The following PTPRE variants were observed in gnomAD, a reference collection of about 807,000 sequenced individuals.
PTPRE encodes receptor-type tyrosine-protein phosphatase epsilon.
Under a neutral mutation model 102.0 loss-of-function variants are expected in PTPRE, and 51 were observed. That is an observed-to-expected ratio of 0.50 (90% CI 0.40 to 0.63). The LOEUF (loss-of-function observed/expected upper bound fraction) is 0.63, where lower values mean the gene tolerates loss of function less well. Among genes scored for constraint, PTPRE ranks in the 30% least tolerant of loss-of-function variants. The probability of loss-of-function intolerance (pLI) is 0.00; values close to 1 mark genes in which losing one functional copy is unlikely to be tolerated. For missense variants in PTPRE, 752 were observed against 915.1 expected (o/e 0.82, Z 2.30); for synonymous variants, 345 against 348.2 (o/e 0.99, Z 0.10).
chr10:127,956,205 G>A (rs913816811), intron 1 of PTPRE, among the ~76,000 whole-genome samples: 1 of 152,066 alleles, frequency 6.6e-6, no homozygotes, highest in Non-Finnish European at 1.5e-5. Flanking sequence ...GTTAATTTTA[G>A]GAGTCGACTA....
intron 1 of PTPRE, among the ~76,000 whole-genome samples, chr10:127,981,834 AT>A (rs1311324489): frequency 1.1e-4 from 17 of 150,012 alleles, no homozygotes; most frequent in African/African-American, 3.7e-4. Context: ...AAAAAAAAAA[AT>A]TAATTAATTA....
chr10:128,050,877 C>T (rs75969782), intron 6 of PTPRE, among the ~76,000 whole-genome samples: 11,711 of 152,240 alleles, frequency 0.077, 542 homozygotes, highest in Non-Finnish European at 0.099. Flanking sequence ...TGAGACTTTA[C>T]CCAGAAGCAA....
intron 10 of PTPRE, among the ~76,000 whole-genome samples, chr10:128,065,346 T>C (rs982130351): frequency 6.6e-6 from 1 of 152,236 alleles, no homozygotes; most frequent in Non-Finnish European, 1.5e-5. Context: ...AGTAGATCTT[T>C]TCCCCCTTGA....
Position 127,907,821 on chromosome 10 carries a change from C to G in PTPRE, c.-31+512C>G, listed in dbSNP as rs1037687341. On this transcript the variant is annotated intron_variant, in intron 1 of 20. Coordinates refer to ENST00000254667, the MANE Select transcript of PTPRE (RefSeq NM_006504.6). The surrounding 1 kb of genome is among the most constrained non-coding windows in gnomAD (Gnocchi z 4.8). ...GCTGCCCCGCAGCCGGGCGGGCGCC[C>G]GCGCCTTCCCAGGGAGGCAGGTGGA... Among the ~76,000 whole-genome samples, 12 of 152,218 alleles carry G rather than the reference C, an allele frequency of 7.9e-5. No homozygotes were observed. The highest frequency in any genetic ancestry group is 1.4e-4 in the African/African-American group (6 of 41,464).
intron 1 of PTPRE, among the ~76,000 whole-genome samples, chr10:127,977,579 C>T (rs1217763044): frequency 2.0e-5 from 3 of 152,156 alleles, no homozygotes; most frequent in Non-Finnish European, 4.4e-5. Flanking sequence ...GAAAGATTGG[C>T]CAGTTCTGTT....
intron 1 of PTPRE, among the ~76,000 whole-genome samples, chr10:127,923,218 T>TAATCC (rs928121928): frequency 7.2e-5 from 11 of 152,262 alleles, no homozygotes; most frequent in African/African-American, 2.6e-4. Flanking sequence ...TTCAAAGAGA[T>TAATCC]AATCCAATCA....
At chr10:127,953,905 A>G (rs1004622602) in intron 1 of PTPRE, among the ~76,000 whole-genome samples, 1 of 152,218 alleles carries the variant, frequency 6.6e-6, no homozygotes, top group Non-Finnish European at 1.5e-5. Context: ...ATACTGATTC[A>G]TGGGCTATAG....
chr10:127,938,434 T>G (rs1024194591), intron 1 of PTPRE, among the ~76,000 whole-genome samples: 1 of 151,360 alleles, frequency 6.6e-6, no homozygotes, highest in Non-Finnish European at 1.5e-5. Flanking sequence ...TTGGGAGGAG[T>G]GTCAAGGCAA....
chr10:128,066,924 G>C (rs1372456259), intron 11 of PTPRE, among the ~76,000 whole-genome samples: 1 of 147,306 alleles, frequency 6.8e-6, no homozygotes, highest in Non-Finnish European at 1.5e-5. Context: ...CCACACACAG[G>C]CACACACATG....
chr10:127,926,314 A>G (rs1847007840), intron 1 of PTPRE, among the ~76,000 whole-genome samples: 2 of 152,244 alleles, frequency 1.3e-5, no homozygotes, highest in Admixed American at 1.3e-4. Context: ...AATTTTAAAG[A>G]GCATGTATGA....
At chr10:128,065,069 A>G (rs754142096) in intron 10 of PTPRE, among the ~76,000 whole-genome samples, 7 of 152,200 alleles carry the variant, frequency 4.6e-5, no homozygotes, top group Non-Finnish European at 1.0e-4. Context: ...AGGCATTTGC[A>G]ATTCCCCTGG....
chr10:127,940,012 G>A (rs1469047500), intron 1 of PTPRE, among the ~76,000 whole-genome samples: 1 of 151,356 alleles, frequency 6.6e-6, no homozygotes, highest in Non-Finnish European at 1.5e-5. Flanking sequence ...AGAGGCAGGT[G>A]CAGGCAGGTA....
intron 1 of PTPRE, among the ~76,000 whole-genome samples, chr10:127,972,924 G>T (rs1055966203): frequency 3.9e-5 from 6 of 152,214 alleles, no homozygotes; most frequent in Non-Finnish European, 5.9e-5. Flanking sequence ...GCTGTGTGGT[G>T]CAGCGGCTCG....
chr10:127,909,825 G>A lies in PTPRE; in HGVS notation c.-31+2516G>A, dbSNP rs532447106. Among the ~76,000 whole-genome samples the A allele has an allele frequency of 3.3e-5, 5 of 152,322 alleles. No homozygotes were observed. In the East Asian group the frequency reaches 5.8e-4, roughly 18 times the overall value. On this transcript the variant is annotated intron_variant, in intron 1 of 20. Transcript: ENST00000254667. Reference sequence around the variant, plus strand: ...GATGGAGCAAGTGTGTGTCTGTTGCGTGGATGTTGTATGGTTGATAGGCAG... The same window carrying A: ...GATGGAGCAAGTGTGTGTCTGTTGCATGGATGTTGTATGGTTGATAGGCAG...
chr10:127,952,996 T>C (rs1196823532), intron 1 of PTPRE, among the ~76,000 whole-genome samples: 1 of 152,202 alleles, frequency 6.6e-6, no homozygotes, highest in Non-Finnish European at 1.5e-5. Context: ...AAGATATCCC[T>C]TCTGAAGTGA....
chr10:127,920,218 G>A (rs921291675), intron 1 of PTPRE, among the ~76,000 whole-genome samples: 1 of 152,188 alleles, frequency 6.6e-6, no homozygotes, highest in African/African-American at 2.4e-5. Context: ...CCTGAGCTCA[G>A]CCTCTAGTAA....
intron 6 of PTPRE, among the ~76,000 whole-genome samples, chr10:128,055,721 TGTCCTCGCTC>T (rs1848901956): frequency 6.6e-6 from 1 of 152,164 alleles, no homozygotes; most frequent in South Asian, 2.1e-4. Context: ...TCCGCATGCC[TGTCCTCGCTC>T]CCCCATCTCC....
intron 2 of PTPRE, among the ~76,000 whole-genome samples, chr10:127,990,118 A>C (rs776542594): frequency 6.6e-6 from 1 of 152,210 alleles, no homozygotes; most frequent in Non-Finnish European, 1.5e-5. Context: ...ATGATTGATT[A>C]GAAAGATTTT....
chr10:128,043,033 C>CAGAGA (rs1317709660), intron 3 of PTPRE, among the ~76,000 whole-genome samples: 1 of 152,058 alleles, frequency 6.6e-6, no homozygotes, highest in Non-Finnish European at 1.5e-5. Context: ...CAAAATATCC[C>CAGAGA]AGAGAAGAGA....
Sources: gnomAD v4.1 joint callset for allele counts (sites outside exome capture counted in the v4.1 genomes callset) on GRCh38, gnomAD v4.1.1 for gene constraint, Gnocchi (gnomAD v3.1) non-coding constraint, MANE v1.5 for transcripts, NCBI Gene and HGNC (gene_info 2026-07-23, HGNC 2026-07-21) for gene names.